The following CDKAL1 variants were observed in gnomAD, a reference collection of about 807,000 sequenced individuals.
The protein encoded by CDKAL1 is threonylcarbamoyladenosine tRNA methylthiotransferase.
A neutral mutation model predicts 68.2 loss-of-function variants in CDKAL1; 32 were observed. That is an observed-to-expected ratio of 0.47 (90% CI 0.35 to 0.63). The LOEUF is 0.63. CDKAL1 is among the 30% of genes least tolerant of loss of function. The pLI is 0.00. For synonymous variants in CDKAL1, 234 were observed against 244.3 expected (o/e 0.96, Z 0.39); for missense variants, 606 against 696.7 (o/e 0.87, Z 1.47).
Position 20,536,817 on chromosome 6 carries a change from C to G in CDKAL1, c.-6+1423C>G, listed in dbSNP as rs1279479551. Among the ~76,000 whole-genome samples, 5 of 152,088 alleles carry G rather than the reference C, an allele frequency of 3.3e-5. No homozygotes were observed. In the East Asian group the frequency reaches 9.6e-4, roughly 29 times the overall value. Reference sequence around the variant, plus strand: ...GCGAGACCTTGTTTTTACAAAAAAACTGAAAAAGAAAAAATGTTCATTTCT... The same window carrying G: ...GCGAGACCTTGTTTTTACAAAAAAAGTGAAAAAGAAAAAATGTTCATTTCT... On this transcript the variant is annotated intron_variant, in intron 2 of 15. Coordinates refer to ENST00000274695, the MANE Select transcript of CDKAL1 (RefSeq NM_017774.3).
chr6:21,070,409 TGGC>T (rs1562006283), intron 12 of CDKAL1, among the ~76,000 whole-genome samples: 20 of 150,942 alleles, frequency 1.3e-4, no homozygotes, highest in South Asian at 2.1e-4. Flanking sequence ...CTTTTTTTTT[TGGC>T]TCAGTTTTCT....
chr6:20,988,754 A>G (rs928078580), intron 10 of CDKAL1, among the ~76,000 whole-genome samples: 2 of 151,824 alleles, frequency 1.3e-5, no homozygotes, highest in Non-Finnish European at 2.9e-5. Flanking sequence ...GGTTCAAGCA[A>G]TTCTCCTGCC....
chr6:20,882,042 G>A (rs556492771), intron 9 of CDKAL1, among the ~76,000 whole-genome samples: 1 of 152,230 alleles, frequency 6.6e-6, no homozygotes, highest in South Asian at 2.1e-4. Context: ...GTAGCCTGAT[G>A]GGATTCAGAA....
chr6:20,999,699 G>C (rs933628634), intron 10 of CDKAL1, among the ~76,000 whole-genome samples: 1 of 140,670 alleles, frequency 7.1e-6, no homozygotes, highest in Non-Finnish European at 1.5e-5. Context: ...AAAGAAACAG[G>C]TGAGTTGTAG....
rs1762504202 is a variant in CDKAL1 at position 20,912,361 on chromosome 6, T to C, written c.743-43058T>C. Among the ~76,000 whole-genome samples, 3 of 152,176 alleles carry C rather than the reference T, an allele frequency of 2.0e-5. No individual in the cohort carries two copies. The South Asian group carries it at 6.2e-4, about 32-fold the overall frequency. On this transcript the variant is annotated intron_variant, in intron 9 of 15. Coordinates refer to ENST00000274695, the MANE Select transcript of CDKAL1 (RefSeq NM_017774.3). ...CTGGGTTAAGGAGCCAAGACTCTCTTGAAATGAAGTTGGTCTCCTACTTTC... is the reference window on the plus strand; with the variant it reads ...CTGGGTTAAGGAGCCAAGACTCTCTCGAAATGAAGTTGGTCTCCTACTTTC...
intron 13 of CDKAL1, among the ~76,000 whole-genome samples, chr6:21,169,185 C>G (rs1425424661): frequency 6.6e-6 from 1 of 152,070 alleles, no homozygotes; most frequent in African/African-American, 2.4e-5. Context: ...CAAAGTCTGC[C>G]CCATGGTGAT....
At chr6:21,078,173 G>T (rs999575026) in intron 12 of CDKAL1, among the ~76,000 whole-genome samples, 1 of 152,128 alleles carries the variant, frequency 6.6e-6, no homozygotes, top group African/African-American at 2.4e-5. Context: ...GTGGTAATTT[G>T]TTACTGCAAC....
At chr6:20,808,600 T>C (rs1264626960) in intron 8 of CDKAL1, among the ~76,000 whole-genome samples, 1 of 151,918 alleles carries the variant, frequency 6.6e-6, no homozygotes, top group African/African-American at 2.4e-5. Context: ...GATAAGTTAG[T>C]TGAATTTTGG....
At chr6:20,558,886 C>G in intron 4 of CDKAL1, 1 of 295,664 alleles carries the variant, frequency 3.4e-6, no homozygotes, top group Admixed American at 4.5e-5. Flanking sequence ...GCCTCGGCCT[C>G]CCAAAGTGCT....
intron 12 of CDKAL1, among the ~76,000 whole-genome samples, chr6:21,079,089 G>A (rs1772240909): frequency 6.6e-6 from 1 of 152,028 alleles, no homozygotes; most frequent in Admixed American, 6.6e-5. Flanking sequence ...GACAGAACCT[G>A]GGCACAAATA....
intron 13 of CDKAL1, among the ~76,000 whole-genome samples, chr6:21,123,267 C>T (rs968065183): frequency 6.6e-6 from 1 of 152,032 alleles, no homozygotes; most frequent in African/African-American, 2.4e-5. Flanking sequence ...CCCGCCTGGC[C>T]AACATGGTGA....
At chr6:20,848,499 A>T (rs1758811450) in intron 9 of CDKAL1, among the ~76,000 whole-genome samples, 2 of 152,160 alleles carry the variant, frequency 1.3e-5, no homozygotes, top group Non-Finnish European at 2.9e-5. Flanking sequence ...TAGTAAGTTA[A>T]CATTGTCATA....
intron 4 of CDKAL1, among the ~76,000 whole-genome samples, chr6:20,570,339 T>A (rs1764648268): frequency 6.6e-6 from 1 of 151,954 alleles, no homozygotes; most frequent in African/African-American, 2.4e-5. Flanking sequence ...CTTGACCCCA[T>A]GATCCATCCA....
intron 9 of CDKAL1, among the ~76,000 whole-genome samples, chr6:20,873,244 G>T (rs922644513): frequency 2.6e-5 from 4 of 152,136 alleles, no homozygotes; most frequent in Non-Finnish European, 5.9e-5. Flanking sequence ...CAATAGATTA[G>T]TTGTTCTCAG....
chr6:20,901,733 A>G (rs1193626872), intron 9 of CDKAL1, among the ~76,000 whole-genome samples: 1 of 150,844 alleles, frequency 6.6e-6, no homozygotes, highest in Non-Finnish European at 1.5e-5. Context: ...CCAGCAACTC[A>G]GAAACTGGGT....
At chr6:20,639,963 C>T (rs1256538495) in intron 4 of CDKAL1, among the ~76,000 whole-genome samples, 4 of 152,242 alleles carry the variant, frequency 2.6e-5, no homozygotes, top group Admixed American at 2.0e-4. Flanking sequence ...GCCACCGCGC[C>T]GACCATTTTC....
intron 13 of CDKAL1, among the ~76,000 whole-genome samples, chr6:21,177,261 T>C (rs948613585): frequency 2.0e-4 from 30 of 152,236 alleles, no homozygotes; most frequent in Non-Finnish European, 3.7e-4. Flanking sequence ...TTGAGAGATT[T>C]TTTTCCTCCA....
chr6:21,225,931 T>C (rs1364351705), intron 15 of CDKAL1, among the ~76,000 whole-genome samples: 1 of 152,240 alleles, frequency 6.6e-6, no homozygotes, highest in African/African-American at 2.4e-5. Flanking sequence ...TTAATCTATA[T>C]ATATCTAATT....
At chr6:20,853,934 C>T (rs995486521) in intron 9 of CDKAL1, among the ~76,000 whole-genome samples, 29 of 152,262 alleles carry the variant, frequency 1.9e-4, no homozygotes, top group Non-Finnish European at 1.8e-4. Context: ...TTGCTATTAC[C>T]GCCCTAGATA....
Sources: gnomAD v4.1 joint callset for allele counts (sites outside exome capture counted in the v4.1 genomes callset) on GRCh38, gnomAD v4.1.1 for gene constraint, MANE v1.5 for transcripts, NCBI Gene and HGNC (gene_info 2026-07-23, HGNC 2026-07-21) for gene names.